The following GUCY1A2 variants were observed in gnomAD, a reference collection of about 807,000 sequenced individuals.
GUCY1A2 encodes guanylate cyclase soluble subunit alpha-2.
GUCY1A2 carries 27 observed loss-of-function variants against 63.5 expected under a neutral mutation model. The observed-to-expected ratio is 0.43, with a 90% confidence interval of 0.31 to 0.59. The LOEUF is 0.59. Among genes scored for constraint, GUCY1A2 ranks in the 20% least tolerant of loss-of-function variants. The pLI is 0.11. For synonymous variants in GUCY1A2, 364 were observed against 343.5 expected, an observed-to-expected ratio of 1.06 and a Z score of -0.66; for missense variants, 768 against 913.3, an observed-to-expected ratio of 0.84 and a Z score of 2.05.
At chr11:106,713,632 G>A (rs1001760020) in intron 6 of GUCY1A2, among the ~76,000 whole-genome samples, 9 of 148,416 alleles carry the variant, frequency 6.1e-5, no homozygotes, top group Admixed American at 1.4e-4. Context: ...TCAGCCTTCC[G>A]AGTAGCTGGG....
At chr11:106,945,405 C>CA (rs5794507) in intron 3 of GUCY1A2, among the ~76,000 whole-genome samples, 137,088 of 151,664 alleles carry the variant, frequency 0.9, 62,042 homozygotes, top group East Asian at 1. Context: ...AAAAACAAAA[C>CA]AAAAAAACAC....
At chr11:106,870,301 T>C (rs116019467) in intron 4 of GUCY1A2, among the ~76,000 whole-genome samples, 270 of 152,144 alleles carry the variant, frequency 1.8e-3, no homozygotes, top group African/African-American at 6.3e-3. Context: ...AGGTGCAACT[T>C]AGTTTCAGCA....
At chr11:106,837,149 A>G (rs1036063672) in intron 4 of GUCY1A2, among the ~76,000 whole-genome samples, 4 of 151,628 alleles carry the variant, frequency 2.6e-5, no homozygotes, top group African/African-American at 4.8e-5. Context: ...CCACCTCCCA[A>G]CCTGCACACT....
At chr11:106,752,047 C>CAAGT (rs1366987977) in intron 6 of GUCY1A2, among the ~76,000 whole-genome samples, 2 of 152,154 alleles carry the variant, frequency 1.3e-5, no homozygotes, top group African/African-American at 4.8e-5. Flanking sequence ...AATTTATTTG[C>CAAGT]AAGTTACAAT....
At chr11:106,994,603 C>G (rs1861511854) in intron 1 of GUCY1A2, among the ~76,000 whole-genome samples, 1 of 152,126 alleles carries the variant, frequency 6.6e-6, no homozygotes, top group Non-Finnish European at 1.5e-5. Flanking sequence ...TCTCACGAGT[C>G]TCAGATTTAA....
chr11:106,953,555 C>T (rs1860940705), intron 3 of GUCY1A2, among the ~76,000 whole-genome samples: 1 of 152,132 alleles, frequency 6.6e-6, no homozygotes, highest in South Asian at 2.1e-4. Flanking sequence ...AGGGAAGACT[C>T]CCTCCTTTTC....
chr11:106,978,728 T>C lies in GUCY1A2; in HGVS notation c.378A>G (p.Ala126=). The change falls in exon 3 of 8, where the codon GCA becomes GCG. Residue 126 remains alanine, a synonymous_variant. Transcript: ENST00000526355. ...TAGAGATATTGTGGAAATTCTTTTCTGCATCCCTGTAACTAAGAAGAAAAC... is the reference window on the plus strand; with the variant it reads ...TAGAGATATTGTGGAAATTCTTTTCCGCATCCCTGTAACTAAGAAGAAAAC... The part of the protein sequence containing the change: ...YEHQVIGYRD[A]EKNFHNISNR... 1 of 1,594,540 alleles carries C rather than the reference T, an allele frequency of 6.3e-7. No homozygotes were observed. The highest frequency in any genetic ancestry group is 8.5e-7 in the Non-Finnish European group (1 of 1,172,360).
rs754520251 is a variant in GUCY1A2 at position 106,922,549 on chromosome 11, CATAT to C, written c.1206+16907_1206+16910del. Among the ~76,000 whole-genome samples, 23 of 145,664 alleles carry C rather than the reference CATAT, an allele frequency of 1.6e-4. No homozygotes were observed. In the South Asian group the frequency reaches 4.4e-3, roughly 28 times the overall value. The stretch of plus-strand genomic sequence containing the variant: ...AATTGTGAGTACACACACACACGAA[CATAT>C]ATATATATATATGTTTTTAAAAAAT... On this transcript the variant is annotated intron_variant, in intron 4 of 7. Transcript: ENST00000526355.
chr11:106,964,206 A>G (rs1425770636), intron 3 of GUCY1A2, among the ~76,000 whole-genome samples: 5 of 152,206 alleles, frequency 3.3e-5, no homozygotes, highest in African/African-American at 7.2e-5. Context: ...CATTGTCCCA[A>G]TGATATACCT....
At chr11:106,915,439 T>C (rs966218197) in intron 4 of GUCY1A2, among the ~76,000 whole-genome samples, 6 of 152,148 alleles carry the variant, frequency 3.9e-5, no homozygotes, top group Admixed American at 3.3e-4. Context: ...GTTGGAAATA[T>C]GGGTTGAAAA....
At chr11:106,855,015 T>C (rs568317858) in intron 4 of GUCY1A2, among the ~76,000 whole-genome samples, 15 of 152,122 alleles carry the variant, frequency 9.9e-5, no homozygotes, top group African/African-American at 3.6e-4. Flanking sequence ...ATACAGGGGT[T>C]ATAAGTGGGA....
chr11:106,961,788 A>T (rs1365485917), intron 3 of GUCY1A2, among the ~76,000 whole-genome samples: 1 of 152,138 alleles, frequency 6.6e-6, no homozygotes, highest in Non-Finnish European at 1.5e-5. Context: ...TTTTTTTTCT[A>T]TCCCACTAAC....
intron 4 of GUCY1A2, among the ~76,000 whole-genome samples, chr11:106,937,257 TGCA>T (rs1860692162): frequency 6.6e-6 from 1 of 152,196 alleles, no homozygotes; most frequent in South Asian, 2.1e-4. Context: ...AAATGATAAT[TGCA>T]TCTCCTCAAT....
chr11:106,821,249 T>G (rs1048954520), intron 4 of GUCY1A2, among the ~76,000 whole-genome samples: 1 of 152,218 alleles, frequency 6.6e-6, no homozygotes, highest in African/African-American at 2.4e-5. Flanking sequence ...GAGTCTTTAT[T>G]CAATTTTACT....
chr11:106,915,220 A>G (rs1860354494), intron 4 of GUCY1A2, among the ~76,000 whole-genome samples: 1 of 152,158 alleles, frequency 6.6e-6, no homozygotes, highest in Non-Finnish European at 1.5e-5. Flanking sequence ...CCTTGTTCTT[A>G]ACTGACTTGA....
chr11:106,851,395 C>A (rs1859353360), intron 4 of GUCY1A2, among the ~76,000 whole-genome samples: 1 of 151,796 alleles, frequency 6.6e-6, no homozygotes, highest in Non-Finnish European at 1.5e-5. Context: ...GTCACCTGTG[C>A]TTTTAAAGTC....
intron 6 of GUCY1A2, among the ~76,000 whole-genome samples, chr11:106,754,366 G>T (rs1591262693): frequency 6.6e-6 from 1 of 152,088 alleles, no homozygotes; most frequent in African/African-American, 2.4e-5. Context: ...TTGCCTGATT[G>T]CCCTGGCCAG....
chr11:107,010,213 C>T (rs1305484532), intron 1 of GUCY1A2, among the ~76,000 whole-genome samples: 1 of 152,166 alleles, frequency 6.6e-6, no homozygotes, highest in Non-Finnish European at 1.5e-5. Context: ...TGACTCTAGC[C>T]CTCAATGTTA....
chr11:106,694,154 T>G (rs1862675468), intron 7 of GUCY1A2, among the ~76,000 whole-genome samples: 1 of 152,224 alleles, frequency 6.6e-6, no homozygotes, highest in Non-Finnish European at 1.5e-5. Flanking sequence ...TTCCAATCAT[T>G]CCTATGGGAT....
Sources: allele counts gnomAD v4.1 joint callset (sites outside exome capture counted in the v4.1 genomes callset), GRCh38; gene constraint gnomAD v4.1.1; transcripts MANE v1.5; gene names NCBI Gene and HGNC (gene_info 2026-07-23, HGNC 2026-07-21).